The following RORA variants were observed in gnomAD, a reference collection of about 807,000 sequenced individuals.
RORA encodes RAR related orphan receptor A, also known as nuclear receptor ROR-alpha.
A neutral mutation model predicts 69.5 loss-of-function variants in RORA; 7 were observed. The observed-to-expected ratio is 0.10, with a 90% CI of 0.06 to 0.19. The LOEUF (loss-of-function observed/expected upper bound fraction) is 0.19. Among genes scored for constraint, RORA ranks in the 10% least tolerant of loss-of-function variants. RORA has a pLI of 1.00. For missense variants in RORA, 457 were observed against 663.0 expected (o/e 0.69, Z 3.41); for synonymous variants, 261 against 240.8 (o/e 1.08, Z -0.78).
chr15:61,130,540 G>A (rs993680207), intron 1 of RORA, among the ~76,000 whole-genome samples: 1 of 152,184 alleles, frequency 6.6e-6, no homozygotes, highest in African/African-American at 2.4e-5. Flanking sequence ...TTATAGATAT[G>A]AGTTCAAACT....
chr15:61,072,784 A>G (rs1434638999), intron 1 of RORA, among the ~76,000 whole-genome samples: 1 of 152,340 alleles, frequency 6.6e-6, no homozygotes, highest in East Asian at 1.9e-4. Context: ...TGACCCTAAG[A>G]AGAACCCAAG....
intron 1 of RORA, among the ~76,000 whole-genome samples, chr15:60,752,657 A>G (rs568700895): frequency 6.7e-6 from 1 of 149,152 alleles, no homozygotes; most frequent in Admixed American, 6.7e-5. Context: ...AGTGACATCA[A>G]GGGATTAGAG....
intron 1 of RORA, among the ~76,000 whole-genome samples, chr15:61,224,979 GA>G (rs1354809059): frequency 1.3e-5 from 2 of 152,082 alleles, no homozygotes; most frequent in African/African-American, 4.8e-5. Flanking sequence ...GTAGGTATTG[GA>G]AAATTCCAGC....
chr15:61,215,395 C>T (rs1286895082), intron 1 of RORA, among the ~76,000 whole-genome samples: 1 of 152,164 alleles, frequency 6.6e-6, no homozygotes, highest in Non-Finnish European at 1.5e-5. Flanking sequence ...GCCCTTAATA[C>T]TTCTTTCCAA....
At chr15:61,054,826 GTTTTTT>G (rs66846535) in intron 1 of RORA, among the ~76,000 whole-genome samples, 1 of 134,646 alleles carries the variant, frequency 7.4e-6, no homozygotes, top group Non-Finnish European at 1.6e-5. Flanking sequence ...TTTGTTTTTT[GTTTTTT>G]TTTTTTTTGG....
At chr15:60,926,858 T>C (rs1247646517) in intron 1 of RORA, among the ~76,000 whole-genome samples, 1 of 152,234 alleles carries the variant, frequency 6.6e-6, no homozygotes, top group Non-Finnish European at 1.5e-5. Flanking sequence ...TTAATCCATG[T>C]ATGTAAGTAC....
At chr15:60,800,222 C>T (rs1038804146) in intron 1 of RORA, among the ~76,000 whole-genome samples, 3 of 152,196 alleles carry the variant, frequency 2.0e-5, no homozygotes, top group African/African-American at 7.2e-5. Flanking sequence ...TCCCAGCACA[C>T]TACTGATACA....
At chr15:60,701,647 G>A (rs1209598841) in intron 1 of RORA, among the ~76,000 whole-genome samples, 1 of 152,230 alleles carries the variant, frequency 6.6e-6, no homozygotes, top group Non-Finnish European at 1.5e-5. Flanking sequence ...CCGCAGCACA[G>A]GCTCCGGGGA....
intron 1 of RORA, among the ~76,000 whole-genome samples, chr15:61,221,234 G>C (rs781261464): frequency 2.0e-5 from 3 of 152,094 alleles, no homozygotes; most frequent in Non-Finnish European, 2.9e-5. Flanking sequence ...GATTTCTTCC[G>C]TACAACCTAA....
chr15:60,504,647 C>G (rs1216842883), intron 6 of RORA, among the ~76,000 whole-genome samples: 1 of 152,164 alleles, frequency 6.6e-6, no homozygotes. Context: ...TTGCTTCTTA[C>G]TGTTTTCTTG....
At chr15:61,170,481 C>T (rs2079575777) in intron 1 of RORA, among the ~76,000 whole-genome samples, 1 of 152,172 alleles carries the variant, frequency 6.6e-6, no homozygotes, top group African/African-American at 2.4e-5. Flanking sequence ...CTGAGCTCGC[C>T]TAGTTAATCC....
At chr15:60,789,600 G>C (rs2072387421) in intron 1 of RORA, among the ~76,000 whole-genome samples, 1 of 152,228 alleles carries the variant, frequency 6.6e-6, no homozygotes, top group Non-Finnish European at 1.5e-5. Flanking sequence ...TTCAGGGACA[G>C]ATCTAGGTTT....
chr15:60,837,322 A>C (rs141449203), intron 1 of RORA, among the ~76,000 whole-genome samples: 1 of 152,318 alleles, frequency 6.6e-6, no homozygotes, highest in East Asian at 1.9e-4. Context: ...CTAGGAAAAA[A>C]ATGAAGCCTA....
At chr15:60,851,159 TAC>T (rs2140414231) in intron 1 of RORA, among the ~76,000 whole-genome samples, 2 of 152,304 alleles carry the variant, frequency 1.3e-5, no homozygotes, top group African/African-American at 4.8e-5. Context: ...GATGTACATA[TAC>T]ACACATAAAT....
chr15:60,496,621 CGTG>C lies in RORA; in HGVS notation c.*831_*833del, dbSNP rs1458447806. On this transcript the variant is annotated 3_prime_UTR_variant, in exon 11 of 11. Coordinates refer to ENST00000335670, the MANE Select transcript of RORA (RefSeq NM_134261.3). This position sits in a 1 kb window ranked among gnomAD's most constrained non-coding sequence, Gnocchi z 4.5. Reference sequence around the variant, plus strand: ...TTCACATGTTAAAAAAAAAATCCAACGTGGTGATTTCTAGATATGACCAGCCAG... The same window carrying C: ...TTCACATGTTAAAAAAAAAATCCAACGTGATTTCTAGATATGACCAGCCAG... 2 of 151,978 alleles carry C rather than the reference CGTG, an allele frequency of 1.3e-5. No individual in the cohort carries two copies. The highest frequency in any genetic ancestry group is 4.8e-5 in the African/African-American group (2 of 41,362). 9.4% of individuals were successfully genotyped at this position (151,978 alleles called of 1,614,324 possible). A position where few individuals can be genotyped will look rare whatever the true frequency, so the allele number is the denominator to read the frequency against.
At chr15:60,811,718 A>T (rs2072746112) in intron 1 of RORA, among the ~76,000 whole-genome samples, 1 of 152,142 alleles carries the variant, frequency 6.6e-6, no homozygotes, top group Non-Finnish European at 1.5e-5. Context: ...CCACATCTCA[A>T]TTCTCATTTC....
At chr15:60,766,453 T>C (rs2071993390) in intron 1 of RORA, among the ~76,000 whole-genome samples, 1 of 152,194 alleles carries the variant, frequency 6.6e-6, no homozygotes, top group South Asian at 2.1e-4. Flanking sequence ...TTCAAAGAGC[T>C]TCCTGCTGTC....
intron 2 of RORA, among the ~76,000 whole-genome samples, chr15:60,538,531 G>C (rs2066753306): frequency 6.7e-6 from 1 of 149,070 alleles, no homozygotes; most frequent in Non-Finnish European, 1.5e-5. Flanking sequence ...AAATTACACA[G>C]TACCATAATT....
chr15:61,178,067 T>C (rs1373422821), intron 1 of RORA, among the ~76,000 whole-genome samples: 3 of 152,174 alleles, frequency 2.0e-5, no homozygotes, highest in African/African-American at 7.2e-5. Context: ...CCTTCCATTT[T>C]CTTATTCTTA....
Sources: allele counts gnomAD v4.1 joint callset (sites outside exome capture counted in the v4.1 genomes callset), GRCh38; gene constraint gnomAD v4.1.1; non-coding constraint Gnocchi (gnomAD v3.1); transcripts MANE v1.5; gene names NCBI Gene and HGNC (gene_info 2026-07-23, HGNC 2026-07-21).